The following CEP112 variants were observed in gnomAD, a reference collection of about 807,000 sequenced individuals.
The protein encoded by CEP112 is centrosomal protein 112.
Under a neutral mutation model 153.0 loss-of-function variants are expected in CEP112, and 127 were observed. That is an observed-to-expected ratio of 0.83 (90% CI 0.72 to 0.96). The LOEUF is 0.96. Among genes scored for constraint, CEP112 ranks in the 40% least tolerant of loss-of-function variants. The pLI, the probability that CEP112 is intolerant of heterozygous loss-of-function variation, is 0.00. For missense variants in CEP112, 1,089 were observed against 1,101.2 expected, an observed-to-expected ratio of 0.99 and a Z score of 0.16; for synonymous variants, 358 against 374.4, an observed-to-expected ratio of 0.96 and a Z score of 0.51.
intron 4 of CEP112, among the ~76,000 whole-genome samples, chr17:66,136,284 C>A (rs1447808050): frequency 6.6e-6 from 1 of 152,128 alleles, no homozygotes; most frequent in East Asian, 1.9e-4. Context: ...GTGGAAACCC[C>A]CAGTCCCAAC....
chr17:65,646,466 T>G (rs993943981), intron 24 of CEP112, among the ~76,000 whole-genome samples: 3 of 152,230 alleles, frequency 2.0e-5, no homozygotes, highest in Non-Finnish European at 4.4e-5. Flanking sequence ...ATGAAAAACT[T>G]TAACCAATCT....
intron 18 of CEP112, among the ~76,000 whole-genome samples, chr17:65,945,358 C>T (rs963579674): frequency 6.6e-6 from 1 of 152,096 alleles, no homozygotes; most frequent in African/African-American, 2.4e-5. Context: ...TAGTACATGT[C>T]TTTTTGTCAA....
At chr17:65,817,680 A>G (rs976788842) in intron 21 of CEP112, among the ~76,000 whole-genome samples, 1 of 151,900 alleles carries the variant, frequency 6.6e-6, no homozygotes, top group Non-Finnish European at 1.5e-5. Flanking sequence ...CAACATCTGG[A>G]TTTTTTATCA....
intron 24 of CEP112, among the ~76,000 whole-genome samples, chr17:65,679,607 T>G (rs2047414083): frequency 6.6e-6 from 1 of 152,174 alleles, no homozygotes; most frequent in Non-Finnish European, 1.5e-5. Context: ...GAAGACCAAT[T>G]CTTTTTAACA....
intron 23 of CEP112, among the ~76,000 whole-genome samples, chr17:65,737,571 G>A (rs983880343): frequency 1.3e-5 from 2 of 152,160 alleles, no homozygotes; most frequent in South Asian, 2.1e-4. Context: ...AGAAGATGCC[G>A]CTTCCATGTA....
At chr17:66,014,010 C>T (rs2064657276) in intron 16 of CEP112, among the ~76,000 whole-genome samples, 1 of 152,210 alleles carries the variant, frequency 6.6e-6, no homozygotes, top group Non-Finnish European at 1.5e-5. Flanking sequence ...AATGGCAGCA[C>T]TGCAACACAG....
chr17:65,648,860 A>G (rs1598188482), intron 24 of CEP112, among the ~76,000 whole-genome samples: 1 of 151,954 alleles, frequency 6.6e-6, no homozygotes, highest in East Asian at 1.9e-4. Flanking sequence ...AGACCAGCCT[A>G]GCCAACATGG....
intron 16 of CEP112, among the ~76,000 whole-genome samples, chr17:66,023,894 A>G (rs2065095475): frequency 6.6e-6 from 1 of 152,178 alleles, no homozygotes; most frequent in Non-Finnish European, 1.5e-5. Flanking sequence ...AATATCCCTG[A>G]TGAACATATA....
chr17:66,187,359 C>A (rs1422857501), intron 1 of CEP112, among the ~76,000 whole-genome samples: 1 of 152,142 alleles, frequency 6.6e-6, no homozygotes, highest in Non-Finnish European at 1.5e-5. Context: ...AGATCTCACC[C>A]CCTGTATATT....
chr17:66,160,755 A>G (rs943905546), intron 4 of CEP112, among the ~76,000 whole-genome samples: 10 of 152,306 alleles, frequency 6.6e-5, no homozygotes, highest in East Asian at 1.9e-4. Flanking sequence ...AACCTAGGCA[A>G]TATCATTCAG....
intron 21 of CEP112, among the ~76,000 whole-genome samples, chr17:65,810,272 T>C (rs975599107): frequency 2.0e-5 from 3 of 152,122 alleles, no homozygotes; most frequent in East Asian, 1.9e-4. Flanking sequence ...GTTGAATATA[T>C]ACCCCCCTCC....
chr17:65,675,594 G>A (rs2047192941), intron 24 of CEP112, among the ~76,000 whole-genome samples: 1 of 151,862 alleles, frequency 6.6e-6, no homozygotes, highest in African/African-American at 2.4e-5. Context: ...TATGAGGCCA[G>A]CAAACTTTAA....
chr17:65,784,157 A>G (rs992288303), intron 21 of CEP112, among the ~76,000 whole-genome samples: 1 of 152,230 alleles, frequency 6.6e-6, no homozygotes, highest in African/African-American at 2.4e-5. Flanking sequence ...GCAAGGCAAG[A>G]GCGATCAAAA....
At chr17:65,912,288 T>A (rs9916702) in intron 19 of CEP112, among the ~76,000 whole-genome samples, 1 of 152,054 alleles carries the variant, frequency 6.6e-6, no homozygotes, top group Admixed American at 6.5e-5. Flanking sequence ...AGAGTAATCG[T>A]GTCTACCTTC....
intron 17 of CEP112, among the ~76,000 whole-genome samples, chr17:66,000,377 G>T: frequency 6.7e-6 from 1 of 148,544 alleles, no homozygotes; most frequent in Non-Finnish European, 1.5e-5. Context: ...AAGTGTTTGT[G>T]GTTTTATTGT....
rs2073017066 is a variant in CEP112, at chr17:66,188,286, A to AC, written c.-9+3710_-9+3711insG. Among the ~76,000 whole-genome samples the AC allele has an allele frequency of 2.1e-3, 235 of 109,488 alleles. 1 individual carries two copies. Among genetic ancestry groups the AC allele is most frequent in the Middle Eastern group, 9.9e-3 (2 of 202 alleles). The allele number at this position is 109,488 out of a possible 152,430, so 71.8% of individuals were successfully genotyped here. ...GCCTGTCTCTCACACCACACACACA[A>AC]ACACACACACACACACACACACACA... On this transcript the variant is annotated intron_variant, in intron 1 of 26. Transcript: ENST00000535342.
Position 66,095,569 on chromosome 17 carries a change from A to T in CEP112, c.768+682T>A, listed in dbSNP as rs2068308134. The stretch of plus-strand genomic sequence containing the variant: ...GGATACAAAATTTAAGTTAGATGAG[A>T]GAAATAAGTTCTAGAGATCTATTGT... On this transcript the variant is annotated intron_variant, in intron 8 of 26. Coordinates refer to ENST00000535342, the MANE Select transcript of CEP112 (RefSeq NM_001199165.4). 2.0e-5 allele frequency among the ~76,000 whole-genome samples: 3 copies of T among 152,144 alleles called. No individual in the cohort carries two copies. The South Asian group carries it at 6.2e-4, about 31-fold the overall frequency.
chr17:66,087,936 G>C (rs2146222007), intron 8 of CEP112, among the ~76,000 whole-genome samples: 1 of 152,090 alleles, frequency 6.6e-6, no homozygotes, highest in African/African-American at 2.4e-5. Context: ...TAGACTCCCA[G>C]CCAGTACCCC....
chr17:66,031,497 T>TTG (rs1555776190), intron 12 of CEP112, among the ~76,000 whole-genome samples: 60,511 of 148,192 alleles, frequency 0.41, 13,864 homozygotes, highest in East Asian at 0.87. Context: ...TTTTTTTTTT[T>TTG]TTTTGAGACA....
Sources: allele counts gnomAD v4.1 joint callset (sites outside exome capture counted in the v4.1 genomes callset), GRCh38; gene constraint gnomAD v4.1.1; transcripts MANE v1.5; gene names NCBI Gene and HGNC (gene_info 2026-07-23, HGNC 2026-07-21).